NCOA7: variants seen among roughly 807,000 people sequenced by gnomAD.
NCOA7 encodes the protein 140 kDa estrogen receptor-associated protein.
NCOA7 carries 45 observed loss-of-function variants against 104.3 expected under a neutral mutation model. That is an observed-to-expected ratio of 0.43 (90% CI 0.34 to 0.55). The LOEUF is 0.55. NCOA7 is among the 20% of genes least tolerant of loss of function. NCOA7 has a pLI of 0.02. For missense variants in NCOA7, 1,041 were observed against 1,119.7 expected (o/e 0.93, Z 1.00); for synonymous variants, 398 against 402.3 (o/e 0.99, Z 0.13).
intron 2 of NCOA7, among the ~76,000 whole-genome samples, chr6:125,846,051 G>A (rs1008146068): frequency 2.6e-5 from 4 of 152,096 alleles, no homozygotes; most frequent in Non-Finnish European, 4.4e-5. Context: ...ACTTTCATGG[G>A]TCTGTTCTCA....
intron 2 of NCOA7, among the ~76,000 whole-genome samples, chr6:125,838,319 G>A (rs999002946): frequency 1.3e-5 from 2 of 152,110 alleles, no homozygotes; most frequent in African/African-American, 4.8e-5. Context: ...AGGAGGCCTG[G>A]CTTGTGAAGG....
intron 1 of NCOA7, among the ~76,000 whole-genome samples, chr6:125,808,873 T>C (rs994983919): frequency 6.6e-6 from 1 of 152,222 alleles, no homozygotes; most frequent in Non-Finnish European, 1.5e-5. Flanking sequence ...ATGGCATCTC[T>C]TGACTCATCT....
At chr6:125,902,606 C>T (rs1383659035) in intron 10 of NCOA7, among the ~76,000 whole-genome samples, 1 of 152,014 alleles carries the variant, frequency 6.6e-6, no homozygotes, top group Non-Finnish European at 1.5e-5. Context: ...ACACCTAAGG[C>T]ATGAATGGTA....
At chr6:125,880,618 C>T (rs1364650320) in intron 5 of NCOA7, among the ~76,000 whole-genome samples, 1 of 152,048 alleles carries the variant, frequency 6.6e-6, no homozygotes, top group Non-Finnish European at 1.5e-5. Context: ...ACCTCTGCCT[C>T]CTGGGTTCAA....
At chr6:125,795,434 C>G (rs1775230922) in intron 1 of NCOA7, among the ~76,000 whole-genome samples, 1 of 152,166 alleles carries the variant, frequency 6.6e-6, no homozygotes, top group South Asian at 2.1e-4. Flanking sequence ...CCCTGTCACC[C>G]ATTTCACTAA....
At chr6:125,788,547 T>A (rs1466633187), upstream of NCOA7, among the ~76,000 whole-genome samples, 4 of 151,812 alleles carry the variant, frequency 2.6e-5, no homozygotes, top group Non-Finnish European at 5.9e-5. Flanking sequence ...GACCTTTTTT[T>A]TTTTTTTGAG....
chr6:125,870,925 A>G (rs1025349506), intron 3 of NCOA7, among the ~76,000 whole-genome samples: 2 of 152,190 alleles, frequency 1.3e-5, no homozygotes, highest in Non-Finnish European at 2.9e-5. Context: ...TTATGCAGAA[A>G]GAAATGGGCT....
intron 2 of NCOA7, among the ~76,000 whole-genome samples, chr6:125,840,868 GTTTTTTTTTTTTTTTTTTTTTTTTTTTT>G (rs57168444): frequency 1.5e-4 from 6 of 40,342 alleles, no homozygotes; most frequent in African/African-American, 3.1e-4. Flanking sequence ...TGTTTGGTTG[GTTTTTTTTTTTTTTTTTTTTTTTTTTTT>G]TTTTTTTTTT....
At chr6:125,876,514 C>G (rs1783389383) in intron 4 of NCOA7, among the ~76,000 whole-genome samples, 1 of 151,694 alleles carries the variant, frequency 6.6e-6, no homozygotes, top group African/African-American at 2.4e-5. Flanking sequence ...TGTCTAGCAC[C>G]TTTATTCACA....
Position 125,889,342 on chromosome 6 carries a change from A to G in NCOA7, c.1288A>G (p.Met430Val), listed in dbSNP as rs1000500821. The change falls in exon 9 of 16, where the codon ATG (methionine) becomes GTG (valine). Residue 430 changes from methionine (M) to valine (V), a missense_variant. Met to Val is a conservative substitution (Grantham distance 21). Transcript: ENST00000392477. ...EELSSQTGGG[M>V]HKKDTLKECL... Reference sequence around the variant, plus strand: ...ACTTTCTTCTCAAACTGGTGGTGGAATGCACAAAAAAGACACCTTGAAGGA... The same window carrying G: ...ACTTTCTTCTCAAACTGGTGGTGGAGTGCACAAAAAAGACACCTTGAAGGA... The G allele has an allele frequency of 6.2e-7, 1 of 1,614,122 alleles. No homozygotes were observed. The highest frequency in any genetic ancestry group is 1.7e-5 in the Admixed American group (1 of 60,006).
chr6:125,852,235 G>A (rs1244070179), intron 2 of NCOA7, among the ~76,000 whole-genome samples: 4 of 152,000 alleles, frequency 2.6e-5, no homozygotes, highest in African/African-American at 4.8e-5. Context: ...TTTCTCTGTC[G>A]CCCAGGCTGG....
chr6:125,882,724 A>AG, intron 7 of NCOA7, 173 bp downstream of exon 7: 1 of 668,196 alleles, frequency 1.5e-6, no homozygotes, highest in Non-Finnish European at 2.4e-6. Flanking sequence ...TTACTTACTG[A>AG]GGTAAATGTT....
intron 1 of NCOA7, among the ~76,000 whole-genome samples, chr6:125,813,257 G>T (rs962952829): frequency 2.2e-4 from 33 of 152,142 alleles, no homozygotes; most frequent in Non-Finnish European, 8.8e-5. Flanking sequence ...AGTGAAGGGG[G>T]TGGGCTGCAC....
chr6:125,861,251 C>T (rs951649347), intron 3 of NCOA7, among the ~76,000 whole-genome samples: 1 of 152,206 alleles, frequency 6.6e-6, no homozygotes, highest in African/African-American at 2.4e-5. Flanking sequence ...ACAAAGGCAG[C>T]CCAACACTTT....
intron 12 of NCOA7, 30 bp downstream of exon 12, chr6:125,921,098 G>C (rs748665764): frequency 6.2e-7 from 1 of 1,605,770 alleles, no homozygotes; most frequent in South Asian, 1.1e-5. Context: ...CAAGGGTGGG[G>C]GTTCCTAGGC....
intron 10 of NCOA7, among the ~76,000 whole-genome samples, chr6:125,911,866 C>T (rs908548906): frequency 3.3e-5 from 5 of 152,252 alleles, no homozygotes; most frequent in African/African-American, 1.2e-4. Context: ...GGCATCCACA[C>T]GGTTTGTTCA....
intron 5 of NCOA7, among the ~76,000 whole-genome samples, chr6:125,879,341 C>T (rs1783632769): frequency 6.6e-6 from 1 of 152,180 alleles, no homozygotes; most frequent in East Asian, 1.9e-4. Context: ...ACTTGTACTT[C>T]TGAGAAACTT....
At chr6:125,893,708 T>C (rs1442468707) in intron 10 of NCOA7, among the ~76,000 whole-genome samples, 2 of 152,134 alleles carry the variant, frequency 1.3e-5, no homozygotes, top group South Asian at 2.1e-4. Context: ...CAATTCTTAC[T>C]AAGTTTTAGA....
intron 1 of NCOA7, chr6:125,810,486 C>T (rs1776887667): frequency 6.6e-6 from 1 of 152,048 alleles, no homozygotes; most frequent in Non-Finnish European, 1.5e-5. Context: ...TCTTTTTGGT[C>T]TGCAATACAC....
Sources: gnomAD v4.1 joint callset for allele counts (sites outside exome capture counted in the v4.1 genomes callset) on GRCh38, gnomAD v4.1.1 for gene constraint, MANE v1.5 for transcripts, NCBI Gene and HGNC (gene_info 2026-07-23, HGNC 2026-07-21) for gene names.